CSNK1G3: variants seen among roughly 807,000 people sequenced by gnomAD.
CSNK1G3 encodes casein kinase I isoform gamma-3.
Under a neutral mutation model 64.3 loss-of-function variants are expected in CSNK1G3, and 23 were observed. That is an observed-to-expected ratio of 0.36 (90% confidence interval 0.26 to 0.51). The LOEUF is 0.51. Among genes scored for constraint, CSNK1G3 ranks in the 20% least tolerant of loss-of-function variants. The pLI is 0.96. For missense variants in CSNK1G3, 357 were observed against 510.5 expected (o/e 0.70, Z 2.90); for synonymous variants, 158 against 162.2 (o/e 0.97, Z 0.20).
chr5:123,512,685 G>C (rs1163862414), intron 1 of CSNK1G3, 115 bp downstream of exon 1: 1 of 149,764 alleles, frequency 6.7e-6, no homozygotes, highest in East Asian at 2.0e-4. Flanking sequence ...GGGTGGGGTG[G>C]GGTGCGGCGG....
Position 123,591,337 on chromosome 5 carries a change from G to T in CSNK1G3, c.1009G>T (p.Val337Phe), listed in dbSNP as rs185780279. ...ATTGTAGCCTACTCCAGTGGGTGCA[G>T]TTCAGCAAGATCCTGCTCTGTCATC... is the stretch of plus-strand genomic sequence containing the variant. Residue 337 changes from valine to phenylalanine, a missense_variant, in exon 10 of 13, where the codon GTT becomes TTT. Transcript: ENST00000345990. The T allele has an allele frequency of 3.7e-6, 6 of 1,608,144 alleles. No homozygotes were observed. In the Admixed American group the frequency reaches 8.4e-5, roughly 23 times the overall value.
At chr5:123,538,174 T>G (rs773638161) in intron 1 of CSNK1G3, among the ~76,000 whole-genome samples, 8 of 152,220 alleles carry the variant, frequency 5.3e-5, no homozygotes, top group Non-Finnish European at 1.0e-4. Flanking sequence ...CATACATTTT[T>G]ATTTCCTTGG....
chr5:123,559,082 G>T (rs749509108), intron 4 of CSNK1G3, among the ~76,000 whole-genome samples: 19 of 152,124 alleles, frequency 1.2e-4, no homozygotes, highest in Admixed American at 5.2e-4. Flanking sequence ...AAAGTTGTAG[G>T]ACTAAATCTT....
intron 1 of CSNK1G3, among the ~76,000 whole-genome samples, chr5:123,542,415 C>T (rs1290901781): frequency 2.0e-5 from 3 of 152,138 alleles, no homozygotes; most frequent in Non-Finnish European, 2.9e-5. Flanking sequence ...AATTAATACT[C>T]ATGCATTTCC....
At position 123,591,310 on chromosome 5, in the gene CSNK1G3, G is replaced by A. The variant is rs747334143; in HGVS notation, c.991-9G>A. 2 of 1,555,596 alleles carry A rather than the reference G, an allele frequency of 1.3e-6. No individual in the cohort carries two copies. Among genetic ancestry groups the A allele is most frequent in the Non-Finnish European group, 1.8e-6 (2 of 1,141,618 alleles). On this transcript the variant is annotated splice_polypyrimidine_tract_variant and intron_variant, in intron 9 of 12. Coordinates refer to ENST00000345990, the Ensembl canonical transcript of CSNK1G3. ...GAATGTATTGATACCAATTGTTATT[G>A]TATTGTAGCCTACTCCAGTGGGTGC...
chr5:123,529,790 T>C (rs1037425087), intron 1 of CSNK1G3, among the ~76,000 whole-genome samples: 4 of 152,150 alleles, frequency 2.6e-5, no homozygotes, highest in African/African-American at 9.7e-5. Flanking sequence ...ATGAAGGTGC[T>C]CTTTGCTTTT....
chr5:123,522,182 T>A (rs983274097), intron 1 of CSNK1G3, among the ~76,000 whole-genome samples: 5 of 152,074 alleles, frequency 3.3e-5, no homozygotes, highest in African/African-American at 1.2e-4. Context: ...TTCATACAGT[T>A]CCTCAGATTC....
rs79558726 is a variant in CSNK1G3, at chr5:123,580,064, G to T, written c.673+4101G>T. Among the ~76,000 whole-genome samples, 643 of 152,060 alleles carry T rather than the reference G, an allele frequency of 4.2e-3. 6 individuals are homozygous for T. The highest frequency in any genetic ancestry group is 0.015 in the African/African-American group (614 of 41,538). ...AGTTTAGAGTACTTGGTTTTGTGAGGAGTCAGGAAGAGATAAAGAAGGAAA... is the reference window on the plus strand; with the variant it reads ...AGTTTAGAGTACTTGGTTTTGTGAGTAGTCAGGAAGAGATAAAGAAGGAAA... On this transcript the variant is annotated intron_variant, in intron 6 of 12. Coordinates refer to ENST00000345990, the Ensembl canonical transcript of CSNK1G3.
At chr5:123,580,190 C>T (rs1384078212) in intron 6 of CSNK1G3, among the ~76,000 whole-genome samples, 8 of 151,826 alleles carry the variant, frequency 5.3e-5, no homozygotes, top group Non-Finnish European at 1.2e-4. Context: ...ACTTTTAAAG[C>T]CTTATTCATT....
At chr5:123,545,640 A>G (rs1402739037) in exon 2 of CSNK1G3, 2 of 1,601,978 alleles carry the variant, frequency 1.2e-6, no homozygotes, top group Non-Finnish European at 1.7e-6. Context: ...TAAAGAATTC[A>G]AAGTGGAGTA....
chr5:123,593,558 C>A (rs894220767), intron 10 of CSNK1G3, among the ~76,000 whole-genome samples: 4 of 152,082 alleles, frequency 2.6e-5, no homozygotes. Context: ...AGTTCCATGA[C>A]CCCAAAATAT....
At chr5:123,562,239 C>T (rs1288341262) in intron 4 of CSNK1G3, among the ~76,000 whole-genome samples, 1 of 152,118 alleles carries the variant, frequency 6.6e-6, no homozygotes, top group Non-Finnish European at 1.5e-5. Context: ...ATCTTTTCCT[C>T]TCCAGAAAAT....
intron 12 of CSNK1G3, among the ~76,000 whole-genome samples, chr5:123,612,687 A>G (rs759595180): frequency 1.7e-4 from 26 of 152,092 alleles, no homozygotes; most frequent in Non-Finnish European, 8.8e-5. Flanking sequence ...CATGTTGGTC[A>G]GGCTGGTCTT....
intron 1 of CSNK1G3, among the ~76,000 whole-genome samples, chr5:123,514,926 G>A (rs1322542310): frequency 1.3e-5 from 2 of 152,088 alleles, no homozygotes; most frequent in Non-Finnish European, 2.9e-5. Flanking sequence ...TGTACAGATC[G>A]TAGGCTGACA....
chr5:123,609,306 T>TGTCA (rs1392846832), intron 12 of CSNK1G3, among the ~76,000 whole-genome samples: 1 of 152,208 alleles, frequency 6.6e-6, no homozygotes, highest in Admixed American at 6.5e-5. Flanking sequence ...ATGAGGCTTA[T>TGTCA]GTCACTTCCT....
At chr5:123,577,010 T>C (rs1228768144) in intron 6 of CSNK1G3, among the ~76,000 whole-genome samples, 2 of 152,118 alleles carry the variant, frequency 1.3e-5, no homozygotes, top group Non-Finnish European at 2.9e-5. Flanking sequence ...ATTCTTATCT[T>C]ATTTAATGTA....
At chr5:123,526,866 G>GTT (rs1241178391) in intron 1 of CSNK1G3, among the ~76,000 whole-genome samples, 1 of 124,184 alleles carries the variant, frequency 8.1e-6, no homozygotes, top group Non-Finnish European at 1.7e-5. Context: ...GTGTGTGTGT[G>GTT]TGTGTGTGTG....
chr5:123,556,760 ATGTTTG>A (rs1002309729), intron 3 of CSNK1G3, among the ~76,000 whole-genome samples: 8 of 109,308 alleles, frequency 7.3e-5, no homozygotes, highest in Non-Finnish European at 1.1e-4. Context: ...TCCTCTGTAC[ATGTTTG>A]TGTGTGTGTG....
At chr5:123,568,214 A>G (rs573595281) in intron 4 of CSNK1G3, among the ~76,000 whole-genome samples, 20 of 152,262 alleles carry the variant, frequency 1.3e-4, no homozygotes, top group Middle Eastern at 6.8e-3. Flanking sequence ...TTTGCTGAGG[A>G]TACTTCTCAG....
Sources: gnomAD v4.1 joint callset for allele counts (sites outside exome capture counted in the v4.1 genomes callset) on GRCh38, gnomAD v4.1.1 for gene constraint, MANE v1.5 for transcripts, NCBI Gene and HGNC (gene_info 2026-07-23, HGNC 2026-07-21) for gene names.